PTGIS: variants seen among roughly 807,000 people sequenced by gnomAD.
The protein encoded by PTGIS is prostaglandin I2 synthase.
In PTGIS, 45 loss-of-function variants were observed where a neutral mutation model predicts 50.3. The observed-to-expected ratio is 0.90, with a 90% CI of 0.70 to 1.15. PTGIS has a LOEUF of 1.15. Ranked by LOEUF, PTGIS falls within the 50% of genes most tolerant of loss-of-function variation. The probability of loss-of-function intolerance (pLI) is 0.00; values close to 1 mark genes in which losing one functional copy is unlikely to be tolerated. For synonymous variants in PTGIS, 260 were observed against 267.7 expected (o/e 0.97, Z 0.28); for missense variants, 668 against 661.3 (o/e 1.01, Z -0.11).
chr20:49,515,840 G>A (rs144062653), intron 6 of PTGIS, among the ~76,000 whole-genome samples: 1 of 152,114 alleles, frequency 6.6e-6, no homozygotes, highest in African/African-American at 2.4e-5. Context: ...GCTGCCATTT[G>A]TGTGTTTGTT....
At chr20:49,533,817 C>G (rs184995875) in intron 5 of PTGIS, among the ~76,000 whole-genome samples, 1 of 151,982 alleles carries the variant, frequency 6.6e-6, no homozygotes, top group African/African-American at 2.4e-5. Flanking sequence ...ACACATTATC[C>G]GGGGGTGGTG....
intron 4 of PTGIS, among the ~76,000 whole-genome samples, chr20:49,544,035 T>C (rs1370157289): frequency 6.6e-6 from 1 of 152,242 alleles, no homozygotes; most frequent in Non-Finnish European, 1.5e-5. Flanking sequence ...CAGGACAAGA[T>C]GACCTCTGAA....
intron 6 of PTGIS, among the ~76,000 whole-genome samples, chr20:49,518,599 A>T (rs1262225243): frequency 6.6e-6 from 1 of 152,184 alleles, no homozygotes; most frequent in South Asian, 2.1e-4. Context: ...GAACTCCTGT[A>T]CTATCTTTGC....
At chr20:49,565,203 G>A (rs1982867295) in intron 1 of PTGIS, among the ~76,000 whole-genome samples, 1 of 151,080 alleles carries the variant, frequency 6.6e-6, no homozygotes, top group Admixed American at 6.6e-5. Flanking sequence ...GAATGGTCTC[G>A]ATCTCCTGAC....
intron 8 of PTGIS, 45 bp from the exon 9 acceptor site, chr20:49,511,224 A>G: frequency 6.2e-7 from 1 of 1,608,632 alleles, no homozygotes. Context: ...TCCCAGAACA[A>G]GCTCACACCA....
chr20:49,515,381 A>G (rs1293161878), intron 6 of PTGIS, among the ~76,000 whole-genome samples: 1 of 152,218 alleles, frequency 6.6e-6, no homozygotes, highest in Non-Finnish European at 1.5e-5. Context: ...ACATTTTCAT[A>G]CACATTTTAG....
intron 9 of PTGIS, among the ~76,000 whole-genome samples, chr20:49,508,702 C>T (rs1253233852): frequency 1.3e-5 from 2 of 152,224 alleles, no homozygotes. Context: ...AGACATTTTA[C>T]TGCCATCTCT....
In PTGIS at chr20:49,524,120, C is replaced by G; in HGVS notation, c.793G>C (p.Glu265Gln). 6.2e-7 allele frequency: 1 copy of G among 1,614,258 alleles called. No homozygotes were observed. Among genetic ancestry groups the G allele is most frequent in the Non-Finnish European group, 8.5e-7 (1 of 1,180,044 alleles). Reference protein sequence around the residue: ...WLESYLLHLEEMGVSEEMQAR... With the variant: ...WLESYLLHLEQMGVSEEMQAR... ...TGCATCTCCTCTGACACACCCATCT[C>G]CTCCAGGTGCAGCAGGTAACTCTCC... The change falls in exon 6 of 10, where the codon GAG (glutamate) becomes CAG (glutamine). Residue 265 changes from glutamate (E) to glutamine (Q), a missense_variant. By Grantham distance (29) the Glu-to-Gln change is conservative. Coordinates refer to ENST00000244043, the MANE Select transcript of PTGIS (RefSeq NM_000961.4).
intron 6 of PTGIS, among the ~76,000 whole-genome samples, chr20:49,523,030 T>TA (rs959920531): frequency 4.0e-5 from 6 of 151,538 alleles, no homozygotes; most frequent in African/African-American, 1.5e-4. Flanking sequence ...CTCAAAAAAA[T>TA]AAAAAAATTA....
At chr20:49,551,129 C>A (rs1982496733) in intron 1 of PTGIS, among the ~76,000 whole-genome samples, 1 of 152,144 alleles carries the variant, frequency 6.6e-6, no homozygotes. Flanking sequence ...ATCGCTTGAA[C>A]CCAGGAGGAG....
intron 4 of PTGIS, 31 bp downstream of exon 4, chr20:49,544,274 C>A (rs779546659): frequency 6.2e-7 from 1 of 1,613,132 alleles, no homozygotes; most frequent in Non-Finnish European, 8.5e-7. Flanking sequence ...TGCCGGGCCC[C>A]AGCAGGAGGG....
chr20:49,516,869 C>T (rs1378913145), intron 6 of PTGIS, among the ~76,000 whole-genome samples: 1 of 152,196 alleles, frequency 6.6e-6, no homozygotes, highest in Non-Finnish European at 1.5e-5. Context: ...AGAGGTGGAG[C>T]TCCAAGACAG....
chr20:49,533,480 G>T (rs1039211111), intron 5 of PTGIS, among the ~76,000 whole-genome samples: 2 of 151,716 alleles, frequency 1.3e-5, no homozygotes, highest in African/African-American at 2.4e-5. Flanking sequence ...GGTTCTCAAA[G>T]GATTAACTTT....
chr20:49,523,492 CA>C (rs1354332142), intron 6 of PTGIS, among the ~76,000 whole-genome samples: 2 of 151,296 alleles, frequency 1.3e-5, no homozygotes, highest in African/African-American at 4.9e-5. Flanking sequence ...AAAACAAAAA[CA>C]AAAAACAAAA....
chr20:49,524,594 T>C (rs138852696), intron 5 of PTGIS, among the ~76,000 whole-genome samples: 1,799 of 152,296 alleles, frequency 0.012, 27 homozygotes, highest in African/African-American at 0.04. Context: ...AAGACATACT[T>C]GAGACTGGGT....
Position 49,530,085 on chromosome 20 carries a change from C to T in PTGIS, c.674-5846G>A, listed in dbSNP as rs534117205. 6.1e-5 allele frequency among the ~76,000 whole-genome samples: 9 copies of T among 147,266 alleles called. 1 individual carries two copies. In the South Asian group the frequency reaches 1.8e-3, roughly 29 times the overall value. On this transcript the variant is annotated intron_variant, in intron 5 of 9. Coordinates refer to ENST00000244043, the MANE Select transcript of PTGIS (RefSeq NM_000961.4). ...AGGAGAATCGCTTGAATCTGGGGGG[C>T]GGAGGTTGTGGTGAGCCAAGATTGC...
intron 1 of PTGIS, among the ~76,000 whole-genome samples, chr20:49,564,959 T>C (rs1049476735): frequency 1.3e-5 from 2 of 151,200 alleles, no homozygotes; most frequent in Admixed American, 6.6e-5. Context: ...CCCACTTGTT[T>C]CACTTGTTTG....
rs1555806537 is a variant in PTGIS, at chr20:49,568,117, C to CACGGGGCTG, written c.-2_-1insCAGCCCCGT. The CACGGGGCTG allele has an allele frequency of 2.5e-6, 2 of 785,670 alleles. No individual in the cohort carries two copies. Among genetic ancestry groups the CACGGGGCTG allele is most frequent in the East Asian group, 5.0e-5 (1 of 20,070 alleles). 48.7% of individuals were successfully genotyped at this position (785,670 alleles called of 1,614,324 possible). A position where few individuals can be genotyped will look rare whatever the true frequency, so the allele number is the denominator to read the frequency against. ...GGCCGAGGAGCGCGGCCCAAGCCAT[C>CACGGGGCTG]GCGGGGCTGGCGGGGCTGGCGGGGC... On this transcript the variant is annotated 5_prime_UTR_variant, in exon 1 of 10. Transcript: ENST00000244043.
At chr20:49,565,729 C>A (rs1982880648) in intron 1 of PTGIS, among the ~76,000 whole-genome samples, 1 of 152,140 alleles carries the variant, frequency 6.6e-6, no homozygotes, top group Admixed American at 6.5e-5. Flanking sequence ...GAGCAAGTTG[C>A]TTAGCCTTTC....
Sources: gnomAD v4.1 joint callset for allele counts (sites outside exome capture counted in the v4.1 genomes callset) on GRCh38, gnomAD v4.1.1 for gene constraint, MANE v1.5 for transcripts, NCBI Gene and HGNC (gene_info 2026-07-23, HGNC 2026-07-21) for gene names.